The following SLC6A15 variants were observed in gnomAD, a reference collection of about 807,000 sequenced individuals.
SLC6A15 encodes the protein solute carrier family 6 member 15.
In SLC6A15, 33 loss-of-function variants were observed where a neutral mutation model predicts 68.5. The observed-to-expected ratio is 0.48, with a 90% CI of 0.37 to 0.64. The LOEUF is 0.64. Among genes scored for constraint, SLC6A15 ranks in the 30% least tolerant of loss-of-function variants. SLC6A15 has a pLI of 0.00. For missense variants in SLC6A15, 747 were observed against 874.3 expected (o/e 0.85, Z 1.84); for synonymous variants, 347 against 301.0 (o/e 1.15, Z -1.58).
chr12:84,886,784 C>A (rs1335263291), intron 2 of SLC6A15, among the ~76,000 whole-genome samples: 3 of 151,888 alleles, frequency 2.0e-5, no homozygotes, highest in African/African-American at 4.8e-5. Context: ...AATAAAATTT[C>A]CATATTTTAA....
intron 5 of SLC6A15, chr12:84,883,122 G>A: frequency 1.0e-6 from 1 of 981,408 alleles, no homozygotes; most frequent in East Asian, 1.1e-4. Context: ...AAGAGATGTG[G>A]AGAGCTTTAG....
At chr12:84,883,453 A>G (rs1402265500) in intron 5 of SLC6A15, 1 of 1,146,370 alleles carries the variant, frequency 8.7e-7, no homozygotes, top group Non-Finnish European at 1.1e-6. Context: ...CCTACAGCAG[A>G]GAGAAACAAA....
intron 1 of SLC6A15, among the ~76,000 whole-genome samples, chr12:84,904,803 A>T (rs1001279397): frequency 6.6e-6 from 1 of 152,118 alleles, no homozygotes; most frequent in Non-Finnish European, 1.5e-5. Context: ...ACTAACAAAA[A>T]CTCTACACAC....
intron 1 of SLC6A15, among the ~76,000 whole-genome samples, chr12:84,903,124 C>T (rs1872963533): frequency 6.6e-6 from 1 of 152,048 alleles, no homozygotes; most frequent in African/African-American, 2.4e-5. Context: ...GTAATTATTT[C>T]AAAATTAATT....
intron 5 of SLC6A15, among the ~76,000 whole-genome samples, chr12:84,877,569 G>C (rs367812068): frequency 3.3e-5 from 5 of 152,128 alleles, no homozygotes; most frequent in African/African-American, 1.2e-4. Flanking sequence ...AGTCTACCAA[G>C]CTCAGCCAGC....
intron 6 of SLC6A15, chr12:84,874,515 G>A (rs944012304): frequency 1.3e-5 from 2 of 152,154 alleles, no homozygotes; most frequent in Non-Finnish European, 2.9e-5. Context: ...CTGAGGTAGA[G>A]ATGAAATAAG....
At chr12:84,907,061 C>T (rs1042053177) in intron 1 of SLC6A15, among the ~76,000 whole-genome samples, 4 of 151,942 alleles carry the variant, frequency 2.6e-5, no homozygotes, top group African/African-American at 9.7e-5. Context: ...TCTTAAAACT[C>T]GACCGTTGCC....
intron 1 of SLC6A15, among the ~76,000 whole-genome samples, chr12:84,903,704 A>C (rs1211988876): frequency 6.6e-6 from 1 of 152,054 alleles, no homozygotes; most frequent in Non-Finnish European, 1.5e-5. Flanking sequence ...TCAGTCTAAC[A>C]TCCCTCTCCA....
intron 9 of SLC6A15, among the ~76,000 whole-genome samples, chr12:84,867,994 AAAG>A (rs1871131411): frequency 6.6e-6 from 1 of 152,198 alleles, no homozygotes; most frequent in Non-Finnish European, 1.5e-5. Flanking sequence ...TCCAAAGGTA[AAAG>A]ATGACTGCAT....
At chr12:84,888,274 A>G (rs1379808523) in intron 2 of SLC6A15, among the ~76,000 whole-genome samples, 1 of 151,176 alleles carries the variant, frequency 6.6e-6, no homozygotes, top group Non-Finnish European at 1.5e-5. Context: ...AAAAAAAAAA[A>G]AAGCCAAAAA....
intron 1 of SLC6A15, among the ~76,000 whole-genome samples, chr12:84,902,715 G>A (rs1872942993): frequency 6.6e-6 from 1 of 151,870 alleles, no homozygotes; most frequent in Admixed American, 6.6e-5. Context: ...TAAAGGAAAT[G>A]ATACTCAGTG....
intron 2 of SLC6A15, among the ~76,000 whole-genome samples, chr12:84,889,527 T>G (rs1872293027): frequency 6.6e-6 from 1 of 150,966 alleles, no homozygotes; most frequent in African/African-American, 2.4e-5. Context: ...AAAATAAAAA[T>G]AAAAATAAAA....
chr12:84,880,952 C>T (rs1871792483), intron 5 of SLC6A15: 1 of 866,488 alleles, frequency 1.2e-6, no homozygotes, highest in Non-Finnish European at 1.4e-6. Flanking sequence ...GTATTGGTTG[C>T]TTAATTCTGG....
At chr12:84,873,432 A>G (rs1871378145) in intron 6 of SLC6A15, 104 bp from the exon 7 acceptor site, 3 of 1,284,576 alleles carry the variant, frequency 2.3e-6, no homozygotes, top group Non-Finnish European at 3.2e-6. Context: ...ATATTTATGC[A>G]TCCAAAGTTT....
intron 6 of SLC6A15, among the ~76,000 whole-genome samples, chr12:84,875,692 ATATATAT>A (rs1377352796): frequency 2.4e-3 from 2 of 818 alleles, no homozygotes; most frequent in African/African-American, 4.4e-3. Flanking sequence ...ATATATATAT[ATATATAT>A]GAGAATCAAA....
At chr12:84,912,488 C>G (rs965207298) in intron 1 of SLC6A15, 35 bp downstream of exon 1, 3 of 152,506 alleles carry the variant, frequency 2.0e-5, no homozygotes, top group Admixed American at 6.5e-5. Flanking sequence ...CACCTCACCC[C>G]CAGTTGTGCC....
chr12:84,864,228 C>T (rs990959880), intron 10 of SLC6A15, among the ~76,000 whole-genome samples: 1 of 151,154 alleles, frequency 6.6e-6, no homozygotes, highest in Non-Finnish European at 1.5e-5. Flanking sequence ...ATTTTCTGAA[C>T]TCTTCTTTTT....
In SLC6A15 at chr12:84,864,909, G is replaced by A. The variant is rs1452223; in HGVS notation, c.1656-1308C>T. On this transcript the variant is annotated intron_variant, in intron 10 of 11. Coordinates refer to ENST00000266682, the MANE Select transcript of SLC6A15 (RefSeq NM_182767.6). ...ATGCTTAGCATACTACCTCACATATGGTACAAAATCGACAGATGCATCTAT... is the reference window on the plus strand; with the variant it reads ...ATGCTTAGCATACTACCTCACATATAGTACAAAATCGACAGATGCATCTAT... Among the ~76,000 whole-genome samples the A allele has an allele frequency of 4.9e-3, 745 of 152,054 alleles. 3 individuals carry two copies. Among genetic ancestry groups the A allele is most frequent in the Non-Finnish European group, 8.4e-3 (574 of 67,972 alleles).
chr12:84,868,642 A>C (rs1164773794), intron 9 of SLC6A15, among the ~76,000 whole-genome samples: 1 of 152,214 alleles, frequency 6.6e-6, no homozygotes, highest in Non-Finnish European at 1.5e-5. Context: ...CACACCTACC[A>C]AAGAAAATGA....
Sources: allele counts gnomAD v4.1 joint callset (sites outside exome capture counted in the v4.1 genomes callset), GRCh38; gene constraint gnomAD v4.1.1; transcripts MANE v1.5; gene names NCBI Gene and HGNC (gene_info 2026-07-23, HGNC 2026-07-21).